NFATC3: variants seen among roughly 807,000 people sequenced by gnomAD.
NFATC3 encodes nuclear factor of activated T-cells, cytoplasmic 3.
NFATC3 carries 46 observed loss-of-function variants against 98.6 expected under a neutral mutation model. The ratio of observed to expected loss-of-function variants is 0.47; its 90% CI spans 0.37 to 0.60. The LOEUF (loss-of-function observed/expected upper bound fraction) is 0.60. NFATC3 is among the 20% of genes least tolerant of loss of function. The probability of loss-of-function intolerance (pLI) is 0.00; values close to 1 mark genes in which losing one functional copy is unlikely to be tolerated. For synonymous variants in NFATC3, 512 were observed against 472.2 expected, an observed-to-expected ratio of 1.08 and a Z score of -1.09; for missense variants, 1,256 against 1,295.5, an observed-to-expected ratio of 0.97 and a Z score of 0.47.
At chr16:68,113,713 C>T (rs907632542) in intron 1 of NFATC3, among the ~76,000 whole-genome samples, 17 of 152,346 alleles carry the variant, frequency 1.1e-4, no homozygotes, top group African/African-American at 4.1e-4. Context: ...ATGACCACCC[C>T]TACCCGTAGA....
chr16:68,155,141 T>C (rs2151570282), intron 3 of NFATC3, among the ~76,000 whole-genome samples: 1 of 152,278 alleles, frequency 6.6e-6, no homozygotes, highest in South Asian at 2.1e-4. Context: ...AACCAATAAA[T>C]TATGAAGTTC....
At chr16:68,130,668 C>T (rs892457235) in intron 3 of NFATC3, among the ~76,000 whole-genome samples, 2 of 152,072 alleles carry the variant, frequency 1.3e-5, no homozygotes, top group Admixed American at 6.6e-5. Context: ...TTCTATTTCT[C>T]TGTTTTTATT....
chr16:68,155,264 A>G (rs2038545411), intron 3 of NFATC3, among the ~76,000 whole-genome samples: 1 of 152,198 alleles, frequency 6.6e-6, no homozygotes, highest in Non-Finnish European at 1.5e-5. Context: ...AAGAGGAGGC[A>G]TGGCAGGAGA....
At chr16:68,223,483 A>G (rs1164071532) in intron 9 of NFATC3, among the ~76,000 whole-genome samples, 1 of 152,240 alleles carries the variant, frequency 6.6e-6, no homozygotes, top group East Asian at 1.9e-4. Flanking sequence ...AATTACTTTT[A>G]TACCAACCAA....
chr16:68,089,448 T>A (rs2034582335), intron 1 of NFATC3: 6 of 241,588 alleles, frequency 2.5e-5, no homozygotes, highest in Non-Finnish European at 4.0e-5. Context: ...TTATTTATTT[T>A]TTTAGACAGT....
rs200355791 is a variant in NFATC3 at position 68,098,300 on chromosome 16, ATTTTTTTTTT to A, written c.103+12526_103+12535del. Among the ~76,000 whole-genome samples, 319 of 94,314 alleles carry A rather than the reference ATTTTTTTTTT, an allele frequency of 3.4e-3. 6 individuals carry two copies. Among genetic ancestry groups the A allele is most frequent in the African/African-American group, 0.013 (286 of 22,032 alleles). 61.9% of individuals were successfully genotyped at this position (94,314 alleles called of 152,430 possible). On this transcript the variant is annotated intron_variant, in intron 1 of 9. Transcript: ENST00000346183. ...TATTATTATTATTATTATTATTATT[ATTTTTTTTTT>A]TTTTTTTTTAGATGGAGTCTCACTC...
chr16:68,151,988 G>T (rs531801186), intron 3 of NFATC3, among the ~76,000 whole-genome samples: 1 of 150,132 alleles, frequency 6.7e-6, no homozygotes, highest in African/African-American at 2.5e-5. Context: ...AGAATCACTT[G>T]AACCCGGGAG....
rs575641838 is a variant in NFATC3, at chr16:68,226,415, C to T, written c.3172C>T (p.Gln1058Ter). The T allele has an allele frequency of 5.7e-6, 9 of 1,570,874 alleles. No homozygotes were observed. The highest frequency in any genetic ancestry group is 1.9e-5 in the Admixed American group (1 of 51,320). The change falls in exon 10 of 10, where the codon CAG becomes TAG. Residue 1058 changes from glutamine to a stop codon, truncating the protein, a stop_gained. Transcript: ENST00000346183. LOFTEE classifies it high-confidence loss of function. ...SVSQGAGVSR[Q>*]APLPSPESLD... Reference sequence around the variant, plus strand: ...TTCCCAAGGAGCAGGGGTGAGCAGGCAGGCTCCCCTCCCGAGTCCTGAGTC... The same window carrying T: ...TTCCCAAGGAGCAGGGGTGAGCAGGTAGGCTCCCCTCCCGAGTCCTGAGTC...
chr16:68,128,612 A>T (rs1441675813), intron 3 of NFATC3, among the ~76,000 whole-genome samples: 2 of 152,174 alleles, frequency 1.3e-5, no homozygotes. Context: ...CAACGTTAAA[A>T]AACATAATTA....
chr16:68,214,469 C>A, intron 9 of NFATC3: 1 of 1,577,616 alleles, frequency 6.3e-7, no homozygotes, highest in South Asian at 1.1e-5. Flanking sequence ...GTTTTTGTGC[C>A]CAAGTCTGGT....
At position 68,131,006 on chromosome 16, in the gene NFATC3, G is replaced by T. The variant is rs138009318; in HGVS notation, c.1401+4396G>T. Among the ~76,000 whole-genome samples, 7 of 152,212 alleles carry T rather than the reference G, an allele frequency of 4.6e-5. No homozygotes were observed. The East Asian group carries it at 1.3e-3, about 29-fold the overall frequency. On this transcript the variant is annotated intron_variant, in intron 3 of 9. Coordinates refer to ENST00000346183, the MANE Select transcript of NFATC3 (RefSeq NM_173165.3). ...CCTCTATTCTGTCACATGAGTCTGT[G>T]TGTCTGTTTTTATATCAATACTGTG...
intron 3 of NFATC3, among the ~76,000 whole-genome samples, chr16:68,131,193 G>A (rs781045289): frequency 1.1e-4 from 16 of 152,078 alleles, no homozygotes; most frequent in Admixed American, 5.2e-4. Flanking sequence ...GAATGTCCTT[G>A]GTATTTTGAC....
chr16:68,183,378 C>T lies in NFATC3; in HGVS notation c.2098+12C>T. ...TACTTATACACCAGGTACGAGGAGTCATGATGGTTTACTATAGAGCTTTCT... is the reference window on the plus strand; with the variant it reads ...TACTTATACACCAGGTACGAGGAGTTATGATGGTTTACTATAGAGCTTTCT... On this transcript the variant is annotated intron_variant, in intron 8 of 9. Transcript: ENST00000346183. 2 of 1,610,010 alleles carry T rather than the reference C, an allele frequency of 1.2e-6. No individual in the cohort carries two copies. The highest frequency in any genetic ancestry group is 2.2e-5 in the South Asian group (2 of 90,894).
chr16:68,098,426 C>G (rs1282268536), intron 1 of NFATC3, among the ~76,000 whole-genome samples: 3 of 151,270 alleles, frequency 2.0e-5, no homozygotes, highest in Non-Finnish European at 4.4e-5. Context: ...CTCAGCCTCC[C>G]GAGTAGCTGG....
chr16:68,141,952 T>A (rs1194190950), intron 3 of NFATC3, among the ~76,000 whole-genome samples: 1 of 152,202 alleles, frequency 6.6e-6, no homozygotes. Flanking sequence ...GTCTTTTAAG[T>A]CTTTAATCCA....
chr16:68,138,568 A>G (rs1398614170), intron 3 of NFATC3: 7 of 1,289,068 alleles, frequency 5.4e-6, no homozygotes, highest in Non-Finnish European at 7.1e-6. Context: ...TCTACTGTCC[A>G]TGGGAAAGAA....
intron 5 of NFATC3, among the ~76,000 whole-genome samples, chr16:68,173,019 G>A (rs1326095261): frequency 6.6e-6 from 1 of 151,956 alleles, no homozygotes; most frequent in Non-Finnish European, 1.5e-5. Flanking sequence ...CACTTTGGGA[G>A]GCCAATGTGG....
At chr16:68,107,581 G>A (rs2035727924) in intron 1 of NFATC3, among the ~76,000 whole-genome samples, 1 of 152,098 alleles carries the variant, frequency 6.6e-6, no homozygotes. Context: ...AAATTAGCTG[G>A]GCATTGTGGT....
At chr16:68,091,310 G>A (rs1344510053) in intron 1 of NFATC3, among the ~76,000 whole-genome samples, 3 of 152,146 alleles carry the variant, frequency 2.0e-5, no homozygotes, top group Non-Finnish European at 4.4e-5. Context: ...GTAAGCTGTA[G>A]AATCAACTTA....
Sources: allele counts gnomAD v4.1 joint callset (sites outside exome capture counted in the v4.1 genomes callset), GRCh38; gene constraint gnomAD v4.1.1; transcripts MANE v1.5; gene names NCBI Gene and HGNC (gene_info 2026-07-23, HGNC 2026-07-21).